KDM7A: variants seen among roughly 807,000 people sequenced by gnomAD.
KDM7A encodes lysine-specific demethylase 7A.
In KDM7A, 28 loss-of-function variants were observed where a neutral mutation model predicts 114.8. The observed-to-expected ratio is 0.24, with a 90% CI of 0.18 to 0.33. KDM7A has a LOEUF of 0.33. Ranked by LOEUF, KDM7A falls within the 10% of genes least tolerant of loss-of-function variation. KDM7A has a pLI of 1.00. For synonymous variants in KDM7A, 423 were observed against 397.8 expected (o/e 1.06, Z -0.75); for missense variants, 942 against 1,142.5 (o/e 0.82, Z 2.53).
Position 140,134,858 on chromosome 7 carries a change from C to G in KDM7A, c.281-1202G>C, listed in dbSNP as rs138918344. Among the ~76,000 whole-genome samples, 401 of 151,906 alleles carry G rather than the reference C, an allele frequency of 2.6e-3. 2 individuals are homozygous for G. The highest frequency in any genetic ancestry group is 8.7e-3 in the African/African-American group (359 of 41,460). The stretch of plus-strand genomic sequence containing the variant: ...TTTATGATTCCAAGTTATTTTAAAC[C>G]TTTTCCACCTTACAAAGATCACAGT... On this transcript the variant is annotated intron_variant, in intron 2 of 19. Transcript: ENST00000397560.
chr7:140,091,886 A>G lies in KDM7A; in HGVS notation c.2649T>C (p.Gly883=). The stretch of plus-strand genomic sequence containing the variant: ...GAAGGGGCACCGAGAAGGAAGTTTC[A>G]CCAACTGGCCTTTCTGGGCTTAGAC... The part of the protein sequence containing the change: ...NGSLSPERPV[G]ETSFSVPLHP... The change falls in exon 19 of 20, where the codon GGT becomes GGC. Residue 883 remains glycine, a synonymous_variant. Transcript: ENST00000397560. 1.2e-6 allele frequency: 2 copies of G among 1,613,790 alleles called. No individual in the cohort carries two copies. Among genetic ancestry groups the G allele is most frequent in the African/African-American group, 1.3e-5 (1 of 74,938 alleles).
rs756481799 is a variant in KDM7A, at chr7:140,091,144, C to G, written c.2776G>C (p.Gly926Arg). 1.9e-6 allele frequency: 3 copies of G among 1,614,140 alleles called. No homozygotes were observed. The East Asian group carries it at 6.7e-5, about 36-fold the overall frequency. ...TTTCTGTTCAACTTAAGGATCTTCC[C>G]AAGACGTTGTTTGGCTGTTGCCATT... The part of the protein sequence containing the change: ...KGMATAKQRL[G>R]KILKLNRNGH... Residue 926 changes from glycine to arginine, a missense_variant, in exon 20 of 20, where the codon GGG becomes CGG. By Grantham distance (125) the Gly-to-Arg change is moderately radical (BLOSUM62 -2). This residue lies in a region of KDM7A where 512 missense variants were observed against 576.6 expected (regional missense o/e 0.89). Transcript: ENST00000397560.
At chr7:140,142,033 A>AAAAAGATACTTATATATCATATATATAT (rs1794288378) in intron 1 of KDM7A, among the ~76,000 whole-genome samples, 1 of 146,260 alleles carries the variant, frequency 6.8e-6, no homozygotes, top group African/African-American at 2.5e-5. Context: ...TTTATATATT[A>AAAAAGATACTTATATATCATATATATAT]AAAAGATATT....
At chr7:140,100,687 T>TATATATATATATATAC (rs1562945948) in intron 12 of KDM7A, among the ~76,000 whole-genome samples, 14 of 40,922 alleles carry the variant, frequency 3.4e-4, no homozygotes, top group South Asian at 7.7e-4. Flanking sequence ...TATACATATA[T>TATATATATATATATAC]ACATATATAT....
chr7:140,167,421 A>T (rs1794591039), intron 1 of KDM7A, among the ~76,000 whole-genome samples: 1 of 152,218 alleles, frequency 6.6e-6, no homozygotes, highest in South Asian at 2.1e-4. Context: ...CCAGTGGAAT[A>T]AAACAGAAAG....
chr7:140,153,802 T>C (rs1032865139), intron 1 of KDM7A, among the ~76,000 whole-genome samples: 1 of 152,230 alleles, frequency 6.6e-6, no homozygotes, highest in Non-Finnish European at 1.5e-5. Flanking sequence ...TATTACTCCA[T>C]TTATGCTCAA....
At chr7:140,091,556 C>T (rs949705721) in intron 19 of KDM7A, among the ~76,000 whole-genome samples, 3 of 152,176 alleles carry the variant, frequency 2.0e-5, no homozygotes, top group Non-Finnish European at 2.9e-5. Context: ...TCTATTCTGT[C>T]ACTTTCCCCA....
chr7:140,144,710 TACACACACACACAC>T (rs3030431), intron 1 of KDM7A, among the ~76,000 whole-genome samples: 1 of 146,322 alleles, frequency 6.8e-6, no homozygotes, highest in East Asian at 2.0e-4. Context: ...GTCCCCACCA[TACACACACACACAC>T]ACACACACAC....
chr7:140,149,523 T>G (rs779940069), intron 1 of KDM7A, among the ~76,000 whole-genome samples: 2 of 152,200 alleles, frequency 1.3e-5, no homozygotes, highest in South Asian at 2.1e-4. Flanking sequence ...TATATTTACT[T>G]TTCACTGTCC....
intron 1 of KDM7A, among the ~76,000 whole-genome samples, chr7:140,166,133 G>A (rs1391711940): frequency 2.6e-5 from 4 of 152,146 alleles, no homozygotes; most frequent in Admixed American, 6.5e-5. Flanking sequence ...AGTACTATCC[G>A]TAGTTGCCGG....
Position 140,119,237 on chromosome 7 carries a change from AATTTTT to A in KDM7A, c.1140-24_1140-19del, listed in dbSNP as rs1390717514. The A allele has an allele frequency of 2.3e-6, 3 of 1,326,016 alleles. No homozygotes were observed. Among genetic ancestry groups the A allele is most frequent in the African/African-American group, 2.9e-5 (2 of 68,442 alleles). 82.1% of individuals were successfully genotyped at this position (1,326,016 alleles called of 1,614,324 possible). A position where few individuals can be genotyped will look rare whatever the true frequency, so the allele number is the denominator to read the frequency against. On this transcript the variant is annotated intron_variant, in intron 8 of 19. Transcript: ENST00000397560. ...CATAACACCTAAATGAGTTTGAAGA[AATTTTT>A]AATATTAATATTAGAATTTCAAAGT... is the stretch of plus-strand genomic sequence containing the variant.
intron 11 of KDM7A, among the ~76,000 whole-genome samples, chr7:140,103,532 A>G (rs1406222609): frequency 6.6e-6 from 1 of 151,190 alleles, no homozygotes; most frequent in African/African-American, 2.4e-5. Context: ...TCATTGTTCA[A>G]TTCCCATCTA....
At chr7:140,107,350 C>T (rs1818355302) in intron 11 of KDM7A, among the ~76,000 whole-genome samples, 1 of 152,160 alleles carries the variant, frequency 6.6e-6, no homozygotes, top group Admixed American at 6.5e-5. Context: ...TTAGTTGGTG[C>T]AGTTTCTTCC....
chr7:140,147,654 C>T (rs1345859964), intron 1 of KDM7A, among the ~76,000 whole-genome samples: 2 of 152,112 alleles, frequency 1.3e-5, no homozygotes, highest in African/African-American at 4.8e-5. Flanking sequence ...TGGGGAGTGG[C>T]CTTTGAGGTA....
Position 140,176,963 on chromosome 7 carries a change from T to C in KDM7A, c.-26A>G, listed in dbSNP as rs1330357788. The stretch of plus-strand genomic sequence containing the variant: ...CTTTAAAAAACACACACACGCTCGC[T>C]CGCTACTCCGCTCGCCGACTGGAGC... On this transcript the variant is annotated 5_prime_UTR_variant, in exon 1 of 20. Transcript: ENST00000397560. The surrounding 1 kb of genome is among the most constrained non-coding windows in gnomAD (Gnocchi z 4.4). The C allele has an allele frequency of 1.8e-6, 2 of 1,108,818 alleles. No individual in the cohort carries two copies. Among genetic ancestry groups the C allele is most frequent in the African/African-American group, 1.7e-5 (1 of 59,486 alleles). 68.7% of individuals were successfully genotyped at this position (1,108,818 alleles called of 1,614,324 possible). A position where few individuals can be genotyped will look rare whatever the true frequency, so the allele number is the denominator to read the frequency against.
Position 140,176,778 on chromosome 7 carries a change from C to T in KDM7A, c.160G>A (p.Glu54Lys). Reference sequence around the variant, plus strand: ...AACCAGTCCTTGCAGATATCGCACTCGATCATGAAGCGGTTCACGTCGTAC... The same window carrying T: ...AACCAGTCCTTGCAGATATCGCACTTGATCATGAAGCGGTTCACGTCGTAC... ...QPYDVNRFMI[E>K]CDICKDWFHG... The change falls in exon 1 of 20, where the codon GAG (glutamate) becomes AAG (lysine). Residue 54 changes from glutamate to lysine, a missense_variant. By Grantham distance (56) the Glu-to-Lys change is moderately conservative. This residue lies in a region of KDM7A where 112 missense variants were observed against 96.2 expected (regional missense o/e 1.16). Coordinates refer to ENST00000397560, the MANE Select transcript of KDM7A (RefSeq NM_030647.2). The surrounding 1 kb of genome is among the most constrained non-coding windows in gnomAD (Gnocchi z 4.4). The T allele has an allele frequency of 7.1e-7, 1 of 1,417,316 alleles. No individual in the cohort carries two copies. Among genetic ancestry groups the T allele is most frequent in the Non-Finnish European group, 9.4e-7 (1 of 1,063,490 alleles). 87.8% of individuals were successfully genotyped at this position (1,417,316 alleles called of 1,614,324 possible).
At chr7:140,115,958 G>A (rs1447444804) in intron 9 of KDM7A, among the ~76,000 whole-genome samples, 1 of 150,194 alleles carries the variant, frequency 6.7e-6, no homozygotes, top group Non-Finnish European at 1.5e-5. Context: ...TCAGGGAAAT[G>A]CACATTAAAA....
In KDM7A at chr7:140,086,124, AAG is replaced by A. The variant is rs1299943755; in HGVS notation, c.*4968_*4969del. The A allele has an allele frequency of 6.6e-6, 1 of 152,242 alleles. No homozygotes were observed. The highest frequency in any genetic ancestry group is 1.5e-5 in the Non-Finnish European group (1 of 68,042). 9.4% of individuals were successfully genotyped at this position (152,242 alleles called of 1,614,324 possible). On this transcript the variant is annotated 3_prime_UTR_variant, in exon 20 of 20. Coordinates refer to ENST00000397560, the MANE Select transcript of KDM7A (RefSeq NM_030647.2). Reference sequence around the variant, plus strand: ...CCATTTATGACTACTTTCTGAAAGAAAGAGAAGTGAATTCAGAGTGTCACAGG... The same window carrying A: ...CCATTTATGACTACTTTCTGAAAGAAAGAAGTGAATTCAGAGTGTCACAGG...
In KDM7A at chr7:140,097,630, C is replaced by G; in HGVS notation, c.1931G>C (p.Arg644Pro). The change falls in exon 15 of 20, where the codon CGT (arginine) becomes CCT (proline). Residue 644 changes from arginine to proline, a missense_variant. Physicochemically the swap from Arg to Pro is moderately radical, Grantham distance 103. Coordinates refer to ENST00000397560, the MANE Select transcript of KDM7A (RefSeq NM_030647.2). ...TCTACTCCTGAGTTCTGATTTCACA[C>G]GTGTAAAAAACCCTGAAAAAGAATG... is the stretch of plus-strand genomic sequence containing the variant. ...SQKPLNGFFT[R>P]VKSELRSRSS... 6.3e-7 allele frequency: 1 copy of G among 1,588,078 alleles called. No individual in the cohort carries two copies. The highest frequency in any genetic ancestry group is 1.1e-5 in the South Asian group (1 of 90,280).
Sources: allele counts gnomAD v4.1 joint callset (sites outside exome capture counted in the v4.1 genomes callset), GRCh38; gene constraint gnomAD v4.1.1; regional missense constraint gnomAD v4.1.1; non-coding constraint Gnocchi (gnomAD v3.1); transcripts MANE v1.5; gene names NCBI Gene and HGNC (gene_info 2026-07-23, HGNC 2026-07-21).